The following FRAS1 variants were observed in gnomAD, a reference collection of about 807,000 sequenced individuals.
FRAS1 encodes the protein Fraser extracellular matrix complex subunit 1, also known as extracellular matrix organizing protein FRAS1.
In FRAS1, 290 loss-of-function variants were observed where a neutral mutation model predicts 435.2. The ratio of observed to expected loss-of-function variants is 0.67; its 90% CI spans 0.61 to 0.73. The LOEUF (loss-of-function observed/expected upper bound fraction) is 0.73, where lower values mean the gene tolerates loss of function less well. Among genes scored for constraint, FRAS1 ranks in the 30% least tolerant of loss-of-function variants. The probability of loss-of-function intolerance (pLI) is 0.00; values close to 1 mark genes in which losing one functional copy is unlikely to be tolerated. For missense variants in FRAS1, 4,860 were observed against 5,001.5 expected, an observed-to-expected ratio of 0.97 and a Z score of 0.85; for synonymous variants, 1,800 against 1,851.0, an observed-to-expected ratio of 0.97 and a Z score of 0.71.
intron 50 of FRAS1, among the ~76,000 whole-genome samples, chr4:78,467,212 A>T (rs1216156927): frequency 6.6e-6 from 1 of 151,988 alleles, no homozygotes; most frequent in Non-Finnish European, 1.5e-5. Flanking sequence ...CCCATTAACC[A>T]TCTCTGCCCC....
chr4:78,280,186 T>G (rs1166948064), intron 10 of FRAS1, among the ~76,000 whole-genome samples: 3 of 152,224 alleles, frequency 2.0e-5, no homozygotes, highest in Non-Finnish European at 4.4e-5. Flanking sequence ...CAGCTTCTCT[T>G]TGGCATATTC....
intron 2 of FRAS1, among the ~76,000 whole-genome samples, chr4:78,081,939 T>A (rs1740915506): frequency 6.6e-6 from 1 of 152,142 alleles, no homozygotes; most frequent in South Asian, 2.1e-4. Flanking sequence ...TTTTCTTTGG[T>A]TTAAGTCTGT....
intron 2 of FRAS1, among the ~76,000 whole-genome samples, chr4:78,076,378 CT>C (rs906826850): frequency 2.6e-5 from 4 of 152,124 alleles, no homozygotes; most frequent in African/African-American, 9.7e-5. Context: ...GTGATGTAAT[CT>C]TTTTTCTTCC....
chr4:78,249,875 G>A lies in FRAS1; in HGVS notation c.310-2517G>A, dbSNP rs528080254. On this transcript the variant is annotated intron_variant, in intron 4 of 73. Coordinates refer to ENST00000512123, the MANE Select transcript of FRAS1 (RefSeq NM_025074.7). ...TGACTGCAATGTTTTGGAAACAACAGTGGTGTTTCTTGGTAGTAACAAAAG... is the reference window on the plus strand; with the variant it reads ...TGACTGCAATGTTTTGGAAACAACAATGGTGTTTCTTGGTAGTAACAAAAG... Among the ~76,000 whole-genome samples, 9 of 152,262 alleles carry A rather than the reference G, an allele frequency of 5.9e-5. No individual in the cohort carries two copies. In the South Asian group the frequency reaches 1.9e-3, roughly 32 times the overall value.
At chr4:78,197,776 C>G (rs1722877609) in intron 2 of FRAS1, among the ~76,000 whole-genome samples, 1 of 152,032 alleles carries the variant, frequency 6.6e-6, no homozygotes, top group African/African-American at 2.4e-5. Flanking sequence ...CCCATCTCTA[C>G]TAAAAATACA....
chr4:78,131,607 C>A (rs957618795), intron 2 of FRAS1, among the ~76,000 whole-genome samples: 1 of 152,128 alleles, frequency 6.6e-6, no homozygotes, highest in East Asian at 1.9e-4. Context: ...ATTGTTGAAA[C>A]CTCAATTTGT....
intron 6 of FRAS1, among the ~76,000 whole-genome samples, chr4:78,261,295 A>G (rs1243998048): frequency 6.6e-6 from 1 of 151,692 alleles, no homozygotes; most frequent in Non-Finnish European, 1.5e-5. Flanking sequence ...ATCTTACTGA[A>G]CTTACAAAAT....
At chr4:78,077,081 G>A (rs1187224776) in intron 2 of FRAS1, among the ~76,000 whole-genome samples, 1 of 152,166 alleles carries the variant, frequency 6.6e-6, no homozygotes, top group Non-Finnish European at 1.5e-5. Flanking sequence ...GCCTTGCATG[G>A]TGCCTCACAC....
chr4:78,537,601 A>G (rs1167430998), intron 72 of FRAS1, among the ~76,000 whole-genome samples: 1 of 152,154 alleles, frequency 6.6e-6, no homozygotes, highest in African/African-American at 2.4e-5. Flanking sequence ...CAGATTCCAC[A>G]TTGTAATGAA....
chr4:78,464,542 A>G lies in FRAS1; in HGVS notation c.6988A>G (p.Ile2330Val), dbSNP rs1294806078. Reference protein sequence around the residue: ...MRVQEGMRKTITEFELKAVDA... With the variant: ...MRVQEGMRKTVTEFELKAVDA... ...GGTGCAGGAGGGCATGAGGAAGACC[A>G]TCACAGAGTTTGAGCTTAAGGCGGT... Residue 2330 changes from isoleucine to valine, a missense_variant, in exon 49 of 74, where the codon ATC (isoleucine) becomes GTC (valine). Ile to Val is a conservative substitution (Grantham distance 29). Transcript: ENST00000512123. The G allele has an allele frequency of 5.0e-6, 8 of 1,613,834 alleles. No individual in the cohort carries two copies. The East Asian group carries it at 1.1e-4, about 22-fold the overall frequency.
chr4:78,296,046 C>G (rs1336200768), intron 14 of FRAS1, among the ~76,000 whole-genome samples: 1 of 152,064 alleles, frequency 6.6e-6, no homozygotes, highest in Non-Finnish European at 1.5e-5. Context: ...AGCCACCAAA[C>G]TCAGCCAGAT....
At chr4:78,213,811 C>G (rs780301262) in intron 2 of FRAS1, among the ~76,000 whole-genome samples, 1 of 152,170 alleles carries the variant, frequency 6.6e-6, no homozygotes, top group Non-Finnish European at 1.5e-5. Flanking sequence ...ACCATTTCCT[C>G]TATTGCTTTT....
chr4:78,343,706 A>AAGCTGAT (rs1339901507), intron 20 of FRAS1, among the ~76,000 whole-genome samples: 1 of 152,220 alleles, frequency 6.6e-6, no homozygotes, highest in African/African-American at 2.4e-5. Flanking sequence ...ATTTTGGAAT[A>AAGCTGAT]AGCTGATACA....
At chr4:78,409,395 A>G (rs1160746751) in intron 31 of FRAS1, among the ~76,000 whole-genome samples, 1 of 152,148 alleles carries the variant, frequency 6.6e-6, no homozygotes, top group Non-Finnish European at 1.5e-5. Flanking sequence ...AAGAAAATTG[A>G]TGGCCTTAAG....
intron 2 of FRAS1, among the ~76,000 whole-genome samples, chr4:78,224,229 G>A (rs946530108): frequency 6.6e-6 from 1 of 152,214 alleles, no homozygotes; most frequent in Non-Finnish European, 1.5e-5. Context: ...CCTGAAACCA[G>A]AATCACTTTT....
chr4:78,473,488 C>G lies in FRAS1; in HGVS notation c.7573C>G (p.Arg2525Gly). 2 of 1,613,192 alleles carry G rather than the reference C, an allele frequency of 1.2e-6. No homozygotes were observed. The highest frequency in any genetic ancestry group is 1.7e-6 in the Non-Finnish European group (2 of 1,179,466). ...IRYVLHKEKI[R>G]EMMDSFQFLV... ...TTATGTGTTGCACAAGGAGAAGATC[C>G]GTGAGATGATGGATAGTTTTCAGTT... The change falls in exon 53 of 74, where the codon CGT becomes GGT. Residue 2525 changes from arginine (R) to glycine (G), a missense_variant. Coordinates refer to ENST00000512123, the MANE Select transcript of FRAS1 (RefSeq NM_025074.7).
intron 7 of FRAS1, 40 bp from the exon 8 acceptor site, chr4:78,266,794 C>A: frequency 6.9e-7 from 1 of 1,442,984 alleles, no homozygotes; most frequent in Non-Finnish European, 9.6e-7. Flanking sequence ...ATGTATGGGA[C>A]ATTTGATTTT....
intron 1 of FRAS1, 42 bp downstream of exon 1, chr4:78,058,127 C>CGT (rs753332895): frequency 2.9e-5 from 42 of 1,473,370 alleles, no homozygotes; most frequent in Non-Finnish European, 3.4e-5. Context: ...TGTGCGTGTG[C>CGT]GTGTGTGTGT....
intron 2 of FRAS1, among the ~76,000 whole-genome samples, chr4:78,142,641 T>C (rs530497636): frequency 6.6e-6 from 1 of 152,226 alleles, no homozygotes; most frequent in Non-Finnish European, 1.5e-5. Context: ...TGTAAATATG[T>C]AGGTAAAGTT....
Sources: gnomAD v4.1 joint callset for allele counts (sites outside exome capture counted in the v4.1 genomes callset) on GRCh38, gnomAD v4.1.1 for gene constraint, MANE v1.5 for transcripts, NCBI Gene and HGNC (gene_info 2026-07-23, HGNC 2026-07-21) for gene names.